TAF1A: variants seen among roughly 807,000 people sequenced by gnomAD.
TAF1A encodes TATA box-binding protein-associated factor RNA polymerase I subunit A.
In TAF1A, 42 loss-of-function variants were observed where a neutral mutation model predicts 61.6. That is an observed-to-expected ratio of 0.68 (90% CI 0.53 to 0.88). TAF1A has a LOEUF of 0.88. TAF1A is among the 40% of genes least tolerant of loss of function. TAF1A has a pLI of 0.00. For missense variants in TAF1A, 424 were observed against 518.7 expected (o/e 0.82, Z 1.77); for synonymous variants, 179 against 177.7 (o/e 1.01, Z -0.06).
intron 2 of TAF1A, among the ~76,000 whole-genome samples, chr1:222,588,176 C>T (rs1297560027): frequency 1.3e-5 from 2 of 152,192 alleles, no homozygotes; most frequent in Non-Finnish European, 2.9e-5. Context: ...TCACCTATGA[C>T]TCCCCAATAT....
At chr1:222,580,738 G>T (rs1660752486) in intron 3 of TAF1A, among the ~76,000 whole-genome samples, 3 of 150,998 alleles carry the variant, frequency 2.0e-5, no homozygotes, top group Admixed American at 2.0e-4. Flanking sequence ...CCTACCACCA[G>T]GGATGGGTAA....
At chr1:222,559,172 G>A (rs568048383) in intron 10 of TAF1A, among the ~76,000 whole-genome samples, 16 of 152,300 alleles carry the variant, frequency 1.1e-4, no homozygotes, top group Middle Eastern at 3.4e-3. Context: ...AAGCACATTC[G>A]TATAGCTTCC....
intron 3 of TAF1A, among the ~76,000 whole-genome samples, chr1:222,580,099 T>C (rs1276361121): frequency 6.6e-6 from 1 of 152,220 alleles, no homozygotes; most frequent in Non-Finnish European, 1.5e-5. Flanking sequence ...GATAGTATAA[T>C]AGCATCATTA....
Position 222,569,558 on chromosome 1 carries a change from A to G in TAF1A, c.846T>C (p.Phe282=). ...ATCTTGGTGCCTTCTGTCTCTTTAG[A>G]AAGTTGTATAAGTAGATATGGGCAT... ...NPNAHIYLYN[F]LKRQKAPRSK... Residue 282 remains phenylalanine (F), a synonymous_variant, in exon 7 of 11, where the codon TTT becomes TTC. Transcript: ENST00000352967. The G allele has an allele frequency of 6.2e-7, 1 of 1,614,098 alleles. No homozygotes were observed. The highest frequency in any genetic ancestry group is 2.2e-5 in the East Asian group (1 of 44,872).
At chr1:222,574,742 C>T (rs1051859351) in intron 5 of TAF1A, among the ~76,000 whole-genome samples, 3 of 152,050 alleles carry the variant, frequency 2.0e-5, no homozygotes, top group Non-Finnish European at 2.9e-5. Flanking sequence ...ATATACAGTA[C>T]AACTCCAAAT....
rs1300873003 is a variant in TAF1A, at chr1:222,586,984, AAACCTAT to A, written c.121+1452_121+1458del. On this transcript the variant is annotated intron_variant, in intron 2 of 10. Transcript: ENST00000352967. Reference sequence around the variant, plus strand: ...CATGTAAATTTTGGTCTTTGGTCTTAAACCTATCTGCTTGCAGACTGACTCAGACTTT... The same window carrying A: ...CATGTAAATTTTGGTCTTTGGTCTTACTGCTTGCAGACTGACTCAGACTTT... Among the ~76,000 whole-genome samples the A allele has an allele frequency of 2.6e-5, 4 of 152,352 alleles. No homozygotes were observed. The South Asian group carries it at 8.3e-4, about 32-fold the overall frequency.
Position 222,577,640 on chromosome 1 carries a change from A to G in TAF1A, c.409T>C (p.Ser137Pro), listed in dbSNP as rs1398989669. The change falls in exon 5 of 11, where the codon TCC becomes CCC. Residue 137 changes from serine to proline, a missense_variant. Coordinates refer to ENST00000352967, the MANE Select transcript of TAF1A (RefSeq NM_005681.4). The part of the protein sequence containing the change: ...NIGVMNYLKI[S>P]LQHALYLLHH... ...AGAAGGTATAATGCATGTTGTAAGG[A>G]GATCTGCAAAAATAATAAGGGTACA... is the stretch of plus-strand genomic sequence containing the variant. The G allele has an allele frequency of 6.2e-7, 1 of 1,613,548 alleles. No individual in the cohort carries two copies. Among genetic ancestry groups the G allele is most frequent in the Admixed American group, 1.7e-5 (1 of 60,014 alleles).
At chr1:222,585,821 A>T (rs189255443) in intron 2 of TAF1A, among the ~76,000 whole-genome samples, 86 of 115,354 alleles carry the variant, frequency 7.5e-4, no homozygotes, top group African/African-American at 2.1e-3. Context: ...AATTTTTTTT[A>T]AAATGAATAA....
At chr1:222,580,434 T>A (rs991678780) in intron 3 of TAF1A, among the ~76,000 whole-genome samples, 1 of 152,194 alleles carries the variant, frequency 6.6e-6, no homozygotes, top group Non-Finnish European at 1.5e-5. Context: ...CGGCAGAACT[T>A]GGAGCTCTTT....
chr1:222,584,430 A>T, intron 2 of TAF1A, 133 bp from the exon 3 acceptor site: 1 of 685,116 alleles, frequency 1.5e-6, no homozygotes, highest in Non-Finnish European at 2.3e-6. Flanking sequence ...CCCAGTACCA[A>T]AGCCAGCTTC....
intron 5 of TAF1A, among the ~76,000 whole-genome samples, chr1:222,572,616 T>A (rs1166964188): frequency 6.6e-6 from 1 of 152,172 alleles, no homozygotes; most frequent in Non-Finnish European, 1.5e-5. Context: ...TGTCTTGGCC[T>A]CCCAAAGTGC....
chr1:222,560,965 G>A (rs981955494), intron 10 of TAF1A, among the ~76,000 whole-genome samples: 7 of 152,066 alleles, frequency 4.6e-5, no homozygotes, highest in African/African-American at 1.2e-4. Flanking sequence ...AATGTTTCAC[G>A]CTTACAGAAA....
At position 222,584,264 on chromosome 1, in the gene TAF1A, T is replaced by C; in HGVS notation, c.155A>G (p.Gln52Arg). The C allele has an allele frequency of 6.2e-7, 1 of 1,607,982 alleles. No homozygotes were observed. The highest frequency in any genetic ancestry group is 8.5e-7 in the Non-Finnish European group (1 of 1,178,462). The change falls in exon 3 of 11, where the codon CAG becomes CGG. Residue 52 changes from glutamine to arginine, a missense_variant. Gln to Arg is a conservative substitution (Grantham distance 43). Transcript: ENST00000352967. Reference sequence around the variant, plus strand: ...AAAACTTAAACAAGCACTTGTTGTCTGAGCAAAATCCTTCCTCCTTTTCCC... The same window carrying C: ...AAAACTTAAACAAGCACTTGTTGTCCGAGCAAAATCCTTCCTCCTTTTCCC... ...IGGKRRKDFA[Q>R]TTSACLSFIQ... is the part of the protein sequence containing the mutation.
chr1:222,584,296 G>A lies in TAF1A; in HGVS notation c.123C>T (p.Ala41=), dbSNP rs753840201. ...AATCCTTCCTCCTTTTCCCTCCAAT[G>A]GCTATAAAAACGAAAAAGAAGAGAG... The part of the protein sequence containing the change: ...PWLQTYVETV[A]IGGKRRKDFA... The change falls in exon 3 of 11, where the codon GCC becomes GCT. Residue 41 remains alanine, a splice_region_variant and synonymous_variant. Coordinates refer to ENST00000352967, the MANE Select transcript of TAF1A (RefSeq NM_005681.4). The A allele has an allele frequency of 6.3e-7, 1 of 1,579,800 alleles. No individual in the cohort carries two copies. Among genetic ancestry groups the A allele is most frequent in the Non-Finnish European group, 8.6e-7 (1 of 1,168,894 alleles).
intron 8 of TAF1A, 78 bp from the exon 9 acceptor site, chr1:222,563,374 T>C (rs1335273917): frequency 1.8e-5 from 26 of 1,438,132 alleles, no homozygotes; most frequent in Non-Finnish European, 2.2e-5. Flanking sequence ...ATACATTTTA[T>C]CAACTGTATA....
In TAF1A at chr1:222,564,128, G is replaced by A. The variant is rs199961604; in HGVS notation, c.895-3C>T. 3.1e-3 allele frequency: 4,794 copies of A among 1,542,446 alleles called. 10 individuals are homozygous for A. Among genetic ancestry groups the A allele is most frequent in the Non-Finnish European group, 3.5e-3 (3,920 of 1,123,926 alleles). ...GATGGTACAATCTGATACAAAATCT[G>A]AAAGAAAGAACAGTCTTGTAATCTT... is the stretch of plus-strand genomic sequence containing the variant. On this transcript the variant is annotated splice_polypyrimidine_tract_variant and splice_region_variant and intron_variant, in intron 7 of 10. Coordinates refer to ENST00000352967, the MANE Select transcript of TAF1A (RefSeq NM_005681.4).
At chr1:222,584,004 A>G in intron 3 of TAF1A, 124 bp downstream of exon 3, 2 of 1,073,284 alleles carry the variant, frequency 1.9e-6, no homozygotes, top group Admixed American at 2.5e-5. Flanking sequence ...CTCTCCACTC[A>G]AAAGTAGTTT....
chr1:222,588,021 G>A (rs1322557044), intron 2 of TAF1A, among the ~76,000 whole-genome samples: 2 of 151,316 alleles, frequency 1.3e-5, no homozygotes, highest in Middle Eastern at 3.5e-3. Flanking sequence ...GCACTCCAGC[G>A]TGGGCAACAG....
In TAF1A at chr1:222,584,330, C is replaced by T. The variant is rs2270706; in HGVS notation, c.122-33G>A. Reference sequence around the variant, plus strand: ...AACGAAAAAGAAGAGAGTTTTTATCCAAGTGGCTCCAGTTCAACTATTCAA... The same window carrying T: ...AACGAAAAAGAAGAGAGTTTTTATCTAAGTGGCTCCAGTTCAACTATTCAA... On this transcript the variant is annotated intron_variant, in intron 2 of 10. Transcript: ENST00000352967. 1.6e-4 allele frequency: 256 copies of T among 1,551,854 alleles called. 1 individual carries two copies. The East Asian group carries it at 5.5e-3, about 33-fold the overall frequency.
Sources: allele counts gnomAD v4.1 joint callset (sites outside exome capture counted in the v4.1 genomes callset), GRCh38; gene constraint gnomAD v4.1.1; transcripts MANE v1.5; gene names NCBI Gene and HGNC (gene_info 2026-07-23, HGNC 2026-07-21).